Variants in RIMS2 observed in about 807,000 individuals in gnomAD.
RIMS2 encodes the protein regulating synaptic membrane exocytosis protein 2.
RIMS2 carries 59 observed loss-of-function variants against 174.4 expected under a neutral mutation model. The ratio of observed to expected loss-of-function variants is 0.34; its 90% CI spans 0.27 to 0.42. The LOEUF is 0.42. Among genes scored for constraint, RIMS2 ranks in the 10% least tolerant of loss-of-function variants. The probability of loss-of-function intolerance (pLI) is 1.00; values close to 1 mark genes in which losing one functional copy is unlikely to be tolerated. For synonymous variants in RIMS2, 606 were observed against 572.5 expected (o/e 1.06, Z -0.84); for missense variants, 1,620 against 1,666.3 (o/e 0.97, Z 0.48).
At chr8:104,245,082 T>A in intron 20 of RIMS2, 25 bp downstream of exon 26, 1 of 1,611,410 alleles carries the variant, frequency 6.2e-7, no homozygotes, top group Non-Finnish European at 8.5e-7. Context: ...ATGTGATGTG[T>A]GTCTCCTCCG....
chr8:104,162,973 G>A (rs984585639), intron 19 of RIMS2, among the ~76,000 whole-genome samples: 3 of 152,080 alleles, frequency 2.0e-5, no homozygotes, highest in Non-Finnish European at 4.4e-5. Context: ...TCCTGTCCGT[G>A]TTACCTACTA....
Position 103,746,688 on chromosome 8 carries a change from C to CT in RIMS2, c.388-19529dup, listed in dbSNP as rs1314071471. Among the ~76,000 whole-genome samples the CT allele has an allele frequency of 1.1e-3, 166 of 149,064 alleles. 2 individuals are homozygous for CT. The highest frequency in any genetic ancestry group is 1.1e-3 in the African/African-American group (46 of 40,592). On this transcript the variant is annotated intron_variant, in intron 2 of 23. Transcript: ENST00000504942. ...TTCTCATCATTTAGTTCCCACTTTT[C>CT]TTTTTTTTTTGAGACGGAGTCTTGC...
At chr8:103,828,039 G>T (rs1593265865) in intron 3 of RIMS2, among the ~76,000 whole-genome samples, 1 of 151,992 alleles carries the variant, frequency 6.6e-6, no homozygotes, top group South Asian at 2.1e-4. Flanking sequence ...TTGCATTTCT[G>T]GGTTAAATAC....
intron 2 of RIMS2, among the ~76,000 whole-genome samples, chr8:103,714,348 A>G (rs943916452): frequency 6.6e-6 from 1 of 152,214 alleles, no homozygotes; most frequent in African/African-American, 2.4e-5. Flanking sequence ...AAAAATATAA[A>G]CTATACAGAC....
In RIMS2 at chr8:104,183,295, A is replaced by G. The variant is rs371803628; in HGVS notation, c.3335-61621A>G. Among the ~76,000 whole-genome samples, 242 of 151,890 alleles carry G rather than the reference A, an allele frequency of 1.6e-3. 4 individuals are homozygous for G. The South Asian group carries it at 0.028, about 18-fold the overall frequency. On this transcript the variant is annotated intron_variant, in intron 19 of 23. Coordinates refer to ENST00000504942, the Ensembl canonical transcript of RIMS2. ...TTAAATTTGCAATTCAACTATAGCAATTAAGTAGGACTTTATAATCTATGT... is the reference window on the plus strand; with the variant it reads ...TTAAATTTGCAATTCAACTATAGCAGTTAAGTAGGACTTTATAATCTATGT...
chr8:103,921,532 G>A, intron 9 of RIMS2, 140 bp from the exon 13 acceptor site: 1 of 562,110 alleles, frequency 1.8e-6, no homozygotes, highest in Non-Finnish European at 3.2e-6. Context: ...TATTTGGAAT[G>A]TTTTGTCTAA....
At chr8:104,047,861 T>C (rs146991799) in intron 19 of RIMS2, among the ~76,000 whole-genome samples, 36 of 152,210 alleles carry the variant, frequency 2.4e-4, no homozygotes, top group African/African-American at 8.7e-4. Context: ...CATAGTTGGG[T>C]GGAAGGAGCA....
intron 1 of RIMS2, among the ~76,000 whole-genome samples, chr8:103,625,545 A>C (rs1164235967): frequency 6.6e-6 from 1 of 152,186 alleles, no homozygotes; most frequent in Non-Finnish European, 1.5e-5. Context: ...TAATTTGTTT[A>C]GTCCTCACAA....
chr8:103,778,317 A>T (rs1415178320), intron 3 of RIMS2, among the ~76,000 whole-genome samples: 2 of 152,044 alleles, frequency 1.3e-5, no homozygotes, highest in Admixed American at 1.3e-4. Context: ...GATTATTGTT[A>T]ACTAGTATCA....
chr8:103,957,844 A>G (rs1009248261), intron 14 of RIMS2, among the ~76,000 whole-genome samples: 3 of 152,228 alleles, frequency 2.0e-5, no homozygotes, highest in East Asian at 1.9e-4. Context: ...AATCAAAACT[A>G]CAATGAGATA....
In RIMS2 at chr8:103,975,520, C is replaced by T. The variant is rs757047845; in HGVS notation, c.2927+14C>T. ...TCCTCCACAAAGGTAAGATAGACTA[C>T]TTATTTTATTTGTAGGGTGGCTGTA... is the stretch of plus-strand genomic sequence containing the variant. On this transcript the variant is annotated intron_variant, in intron 16 of 23. Transcript: ENST00000504942. The T allele has an allele frequency of 3.9e-5, 63 of 1,603,038 alleles. No homozygotes were observed. In the East Asian group the frequency reaches 1.4e-3, roughly 36 times the overall value.
intron 1 of RIMS2, among the ~76,000 whole-genome samples, chr8:103,571,164 C>G (rs1384442315): frequency 6.6e-6 from 1 of 152,128 alleles, no homozygotes; most frequent in Admixed American, 6.5e-5. Flanking sequence ...TGTCTATGCT[C>G]TAGTATTGTG....
intron 15 of RIMS2, among the ~76,000 whole-genome samples, chr8:103,971,483 G>T (rs569466422): frequency 2.6e-4 from 40 of 151,750 alleles, no homozygotes; most frequent in Non-Finnish European, 4.6e-4. Flanking sequence ...TTTAATATTT[G>T]ACCTACGCAA....
chr8:103,808,368 T>G (rs1334097577), intron 3 of RIMS2, among the ~76,000 whole-genome samples: 1 of 152,166 alleles, frequency 6.6e-6, no homozygotes, highest in East Asian at 1.9e-4. Context: ...CCTCAATGCT[T>G]TGTCATAAAC....
At chr8:103,819,538 A>G (rs763321505) in intron 3 of RIMS2, 7 of 1,613,320 alleles carry the variant, frequency 4.3e-6, no homozygotes, top group South Asian at 2.2e-5. Flanking sequence ...CCAGGTCTGC[A>G]ATTCTGTTTT....
chr8:103,566,236 C>A (rs1426288), intron 1 of RIMS2, among the ~76,000 whole-genome samples: 2 of 152,108 alleles, frequency 1.3e-5, no homozygotes, highest in South Asian at 2.1e-4. Context: ...GGCTCCTCCC[C>A]CTTCCCCATT....
intron 4 of RIMS2, among the ~76,000 whole-genome samples, chr8:103,907,250 G>A (rs1163964680): frequency 6.6e-6 from 1 of 152,168 alleles, no homozygotes; most frequent in African/African-American, 2.4e-5. Context: ...TTTGAGGAAT[G>A]CAATTTGAGA....
At chr8:103,610,213 A>T (rs1325191316) in intron 1 of RIMS2, among the ~76,000 whole-genome samples, 1 of 152,210 alleles carries the variant, frequency 6.6e-6, no homozygotes, top group African/African-American at 2.4e-5. Flanking sequence ...GTTGTTTATC[A>T]GACCAAGGTG....
chr8:103,680,241 T>C (rs2096862983), intron 1 of RIMS2, among the ~76,000 whole-genome samples: 1 of 152,018 alleles, frequency 6.6e-6, no homozygotes, highest in African/African-American at 2.4e-5. Context: ...ATATGGGAAC[T>C]TAGTATATGA....
Sources: gnomAD v4.1 joint callset for allele counts (sites outside exome capture counted in the v4.1 genomes callset) on GRCh38, gnomAD v4.1.1 for gene constraint, MANE v1.5 for transcripts, NCBI Gene and HGNC (gene_info 2026-07-23, HGNC 2026-07-21) for gene names.